The following CCDC62 variants were observed in gnomAD, a reference collection of about 807,000 sequenced individuals.
CCDC62 encodes the protein coiled-coil domain-containing protein 62.
Under a neutral mutation model 80.8 loss-of-function variants are expected in CCDC62, and 72 were observed. The observed-to-expected ratio is 0.89, with a 90% confidence interval of 0.74 to 1.08. The LOEUF (loss-of-function observed/expected upper bound fraction) is 1.08, where lower values mean the gene tolerates loss of function less well. Ranked by LOEUF, CCDC62 falls within the 50% of genes least tolerant of loss-of-function variation. The probability of loss-of-function intolerance (pLI) is 0.00; values close to 1 mark genes in which losing one functional copy is unlikely to be tolerated. For missense variants in CCDC62, 704 were observed against 809.4 expected (o/e 0.87, Z 1.58); for synonymous variants, 286 against 296.5 (o/e 0.96, Z 0.36).
At chr12:122,790,641 G>A (rs1370425421) in intron 5 of CCDC62, among the ~76,000 whole-genome samples, 1 of 152,078 alleles carries the variant, frequency 6.6e-6, no homozygotes, top group African/African-American at 2.4e-5. Context: ...GGGCAACAGA[G>A]CAAGATCCTG....
At chr12:122,804,386 C>G (rs1475917023) in intron 9 of CCDC62, among the ~76,000 whole-genome samples, 1 of 152,172 alleles carries the variant, frequency 6.6e-6, no homozygotes, top group Non-Finnish European at 1.5e-5. Context: ...ACTCGGGAGG[C>G]TGAGGCACAA....
At chr12:122,794,187 AATCG>A (rs1422326338) in intron 6 of CCDC62, among the ~76,000 whole-genome samples, 1 of 152,178 alleles carries the variant, frequency 6.6e-6, no homozygotes, top group Non-Finnish European at 1.5e-5. Context: ...TATTATAATA[AATCG>A]ATTTTGTGAA....
intron 8 of CCDC62, among the ~76,000 whole-genome samples, chr12:122,798,903 C>T (rs2031126639): frequency 6.6e-6 from 1 of 151,770 alleles, no homozygotes; most frequent in African/African-American, 2.4e-5. Context: ...CACGGTGAAG[C>T]CCCATCTGTA....
chr12:122,783,515 C>T (rs994508537), intron 3 of CCDC62, among the ~76,000 whole-genome samples: 3 of 152,044 alleles, frequency 2.0e-5, no homozygotes, highest in African/African-American at 4.8e-5. Context: ...TGTGAGCCAC[C>T]GCGCCTGGCC....
chr12:122,794,641 AACAAAGCCT>A (rs2030825232), intron 6 of CCDC62, among the ~76,000 whole-genome samples: 1 of 152,110 alleles, frequency 6.6e-6, no homozygotes, highest in Non-Finnish European at 1.5e-5. Context: ...TATAAAAGTG[AACAAAGCCT>A]ACAAAAGAAT....
chr12:122,814,621 T>C (rs990820907), intron 11 of CCDC62, among the ~76,000 whole-genome samples: 8 of 151,358 alleles, frequency 5.3e-5, no homozygotes, highest in Middle Eastern at 3.4e-3. Context: ...AATTCTCCTG[T>C]TTCAGCCTCC....
intron 6 of CCDC62, among the ~76,000 whole-genome samples, chr12:122,792,775 C>T (rs1034038349): frequency 2.6e-5 from 4 of 152,156 alleles, no homozygotes; most frequent in African/African-American, 9.7e-5. Flanking sequence ...GCCTCAGCCT[C>T]GCAAAGTGCT....
At chr12:122,820,490 A>G (rs2032357778) in intron 11 of CCDC62, among the ~76,000 whole-genome samples, 1 of 152,166 alleles carries the variant, frequency 6.6e-6, no homozygotes, top group African/African-American at 2.4e-5. Flanking sequence ...TTCTCGTGGC[A>G]GGCTGATAAA....
At chr12:122,801,965 G>A (rs1212259281) in intron 9 of CCDC62, 113 bp downstream of exon 9, 4 of 1,178,832 alleles carry the variant, frequency 3.4e-6, no homozygotes, top group Non-Finnish European at 4.8e-6. Flanking sequence ...AGGCATGTTT[G>A]CTAACAGAAA....
intron 8 of CCDC62, among the ~76,000 whole-genome samples, chr12:122,800,787 A>G (rs1487561609): frequency 1.3e-5 from 2 of 152,086 alleles, no homozygotes; most frequent in African/African-American, 4.8e-5. Flanking sequence ...AGAGAGTTGT[A>G]TTTCCTAAGA....
intron 8 of CCDC62, among the ~76,000 whole-genome samples, chr12:122,799,341 A>G (rs2031155737): frequency 6.6e-6 from 1 of 152,160 alleles, no homozygotes; most frequent in Non-Finnish European, 1.5e-5. Context: ...TCCAGCATTC[A>G]GTGTTTGGAC....
At chr12:122,811,277 T>C (rs1385623435) in intron 10 of CCDC62, among the ~76,000 whole-genome samples, 2 of 140,060 alleles carry the variant, frequency 1.4e-5, no homozygotes, top group Admixed American at 7.8e-5. Flanking sequence ...AATGGCACGA[T>C]CTCGGCTCAC....
chr12:122,800,826 G>C (rs1049433630), intron 8 of CCDC62, among the ~76,000 whole-genome samples: 6 of 152,138 alleles, frequency 3.9e-5, no homozygotes, highest in Non-Finnish European at 8.8e-5. Flanking sequence ...TAGAATACCT[G>C]AATACAAGTG....
In CCDC62 at chr12:122,826,778, T is replaced by TTTA; in HGVS notation, c.*397_*398insTTA. The TTTA allele has an allele frequency of 4.2e-6, 1 of 237,874 alleles. No individual in the cohort carries two copies. Among genetic ancestry groups the TTTA allele is most frequent in the Non-Finnish European group, 8.0e-6 (1 of 124,930 alleles). 14.7% of individuals were successfully genotyped at this position (237,874 alleles called of 1,614,324 possible). ...GAACCCTGCATAGAAAGTGCTGTTTTAACTATCTGATTTTTAAAAAATCTG... is the reference window on the plus strand; with the variant it reads ...GAACCCTGCATAGAAAGTGCTGTTTTTTAAACTATCTGATTTTTAAAAAATCTG... On this transcript the variant is annotated 3_prime_UTR_variant, in exon 13 of 13. Transcript: ENST00000253079.
chr12:122,818,566 G>A (rs2032266732), intron 11 of CCDC62, among the ~76,000 whole-genome samples: 1 of 151,910 alleles, frequency 6.6e-6, no homozygotes, highest in Non-Finnish European at 1.5e-5. Flanking sequence ...AGGCTACAGT[G>A]AGCTATGATC....
Sources: allele counts gnomAD v4.1 joint callset (sites outside exome capture counted in the v4.1 genomes callset), GRCh38; gene constraint gnomAD v4.1.1; transcripts MANE v1.5; gene names NCBI Gene and HGNC (gene_info 2026-07-23, HGNC 2026-07-21).